The following CCDC186 variants were observed in gnomAD, a reference collection of about 807,000 sequenced individuals.
The protein encoded by CCDC186 is coiled-coil domain-containing protein 186.
Under a neutral mutation model 113.7 loss-of-function variants are expected in CCDC186, and 49 were observed. That is an observed-to-expected ratio of 0.43 (90% CI 0.34 to 0.55). The LOEUF is 0.55. CCDC186 is among the 20% of genes least tolerant of loss of function. The probability of loss-of-function intolerance (pLI) is 0.02; values close to 1 mark genes in which losing one functional copy is unlikely to be tolerated. For missense variants in CCDC186, 890 were observed against 1,011.1 expected (o/e 0.88, Z 1.62); for synonymous variants, 355 against 345.8 (o/e 1.03, Z -0.30).
At chr10:114,135,619 T>C (rs980924028) in intron 9 of CCDC186, among the ~76,000 whole-genome samples, 1 of 152,186 alleles carries the variant, frequency 6.6e-6, no homozygotes, top group Non-Finnish European at 1.5e-5. Context: ...TGAGACTGCC[T>C]TTAGATGAGA....
rs942660236 is a variant in CCDC186 at position 114,121,476 on chromosome 10, C to T, written c.*3667G>A. 9 of 151,962 alleles carry T rather than the reference C, an allele frequency of 5.9e-5. No homozygotes were observed. The highest frequency in any genetic ancestry group is 8.8e-5 in the Non-Finnish European group (6 of 67,998). The allele number at this position is 151,962 out of a possible 1,614,324, so 9.4% of individuals were successfully genotyped here. ...CTGCAAAAGAAAGATTGGAAACATG[C>T]GTGACATGATTAATCTTTATGAGCA... is the stretch of plus-strand genomic sequence containing the variant. On this transcript the variant is annotated 3_prime_UTR_variant, in exon 16 of 16. Transcript: ENST00000369287.
chr10:114,132,127 A>C lies in CCDC186; in HGVS notation c.1713T>G (p.Ile571Met). ...KEEVESLNSL[I>M]NDLQKDIEGS... ...CTTCGATGTCTTTTTGTAGGTCATT[A>C]ATCAAAGAATTAAGACTTTCCACTT... is the stretch of plus-strand genomic sequence containing the variant. The change falls in exon 11 of 16, where the codon ATT (isoleucine) becomes ATG (methionine). Residue 571 changes from isoleucine to methionine, a missense_variant. Ile to Met is a conservative substitution (Grantham distance 10). Coordinates refer to ENST00000369287, the MANE Select transcript of CCDC186 (RefSeq NM_018017.4). The C allele has an allele frequency of 1.9e-6, 3 of 1,612,604 alleles. No individual in the cohort carries two copies. Among genetic ancestry groups the C allele is most frequent in the East Asian group, 2.2e-5 (1 of 44,804 alleles).
intron 6 of CCDC186, among the ~76,000 whole-genome samples, chr10:114,139,580 G>GA (rs1418836142): frequency 3.7e-4 from 51 of 139,464 alleles, no homozygotes; most frequent in African/African-American, 7.9e-4. Flanking sequence ...AAAAAGAAAA[G>GA]AAAAAAAAAC....
chr10:114,137,534 A>T (rs2031304009), intron 6 of CCDC186, among the ~76,000 whole-genome samples: 1 of 152,252 alleles, frequency 6.6e-6, no homozygotes, highest in Non-Finnish European at 1.5e-5. Context: ...ACCTGATAAG[A>T]TGAGCAAAGT....
intron 1 of CCDC186, among the ~76,000 whole-genome samples, chr10:114,167,624 A>C (rs1261811223): frequency 6.6e-6 from 1 of 151,458 alleles, no homozygotes; most frequent in Non-Finnish European, 1.5e-5. Context: ...TAGTAGACTA[A>C]AGGGGAAGGA....
At chr10:114,161,295 A>AATGTACAGATACAAT (rs1367524319) in intron 2 of CCDC186, among the ~76,000 whole-genome samples, 1 of 152,232 alleles carries the variant, frequency 6.6e-6, no homozygotes, top group East Asian at 1.9e-4. Context: ...TCTGCGCTTC[A>AATGTACAGATACAAT]GGTAACTCAT....
At chr10:114,164,659 CAG>C (rs1341042195) in intron 1 of CCDC186, among the ~76,000 whole-genome samples, 1 of 152,112 alleles carries the variant, frequency 6.6e-6, no homozygotes, top group African/African-American at 2.4e-5. Context: ...ACAGAAATAA[CAG>C]AGCAATAATT....
chr10:114,152,415 C>T (rs1357661309), intron 3 of CCDC186, among the ~76,000 whole-genome samples: 2 of 151,592 alleles, frequency 1.3e-5, no homozygotes, highest in African/African-American at 2.4e-5. Flanking sequence ...TGATTGATGG[C>T]AATCGAGTTC....
chr10:114,126,935 CAG>C (rs1017260785), intron 14 of CCDC186, among the ~76,000 whole-genome samples: 11 of 152,172 alleles, frequency 7.2e-5, no homozygotes, highest in African/African-American at 2.4e-4. Context: ...GTCTGTCACA[CAG>C]GGGATGAACG....
In CCDC186 at chr10:114,127,777, G is replaced by A. The variant is rs191037622; in HGVS notation, c.2183-106C>T. 74 of 1,050,412 alleles carry A rather than the reference G, an allele frequency of 7.0e-5. 1 individual carries two copies. The East Asian group carries it at 1.8e-3, about 26-fold the overall frequency. The allele number at this position is 1,050,412 out of a possible 1,614,324, so 65.1% of individuals were successfully genotyped here. A position where few individuals can be genotyped will look rare whatever the true frequency, so the allele number is the denominator to read the frequency against. On this transcript the variant is annotated intron_variant, in intron 13 of 15. Coordinates refer to ENST00000369287, the MANE Select transcript of CCDC186 (RefSeq NM_018017.4). Reference sequence around the variant, plus strand: ...CATTTCAAATATTCACTCTAACAGAGTTGGACACAGAAGACAACACAGGTC... The same window carrying A: ...CATTTCAAATATTCACTCTAACAGAATTGGACACAGAAGACAACACAGGTC...
intron 4 of CCDC186, among the ~76,000 whole-genome samples, chr10:114,150,529 A>T (rs2031820602): frequency 6.6e-6 from 1 of 152,232 alleles, no homozygotes; most frequent in African/African-American, 2.4e-5. Context: ...TGGAACAAGG[A>T]ATGGGATATA....
At chr10:114,149,786 CAGGAAGGAAGGA>C (rs879496767) in intron 4 of CCDC186, among the ~76,000 whole-genome samples, 91 of 48,060 alleles carry the variant, frequency 1.9e-3, no homozygotes, top group African/African-American at 9.1e-3. Flanking sequence ...GGCAGGAAGG[CAGGAAGGAAGGA>C]AGGAAGGAAG....
rs771783633 is a variant in CCDC186, at chr10:114,134,899, T to G, written c.1655+14A>C. ...CTTGCTTATTAATACAAACAGAAGT[T>G]GCTCATTTTGTACCTTTGAAGCTGC... On this transcript the variant is annotated intron_variant, in intron 10 of 15. Coordinates refer to ENST00000369287, the MANE Select transcript of CCDC186 (RefSeq NM_018017.4). 6.3e-7 allele frequency: 1 copy of G among 1,598,390 alleles called. No individual in the cohort carries two copies. The highest frequency in any genetic ancestry group is 8.5e-7 in the Non-Finnish European group (1 of 1,175,666).
At chr10:114,166,332 C>G (rs984275539) in intron 1 of CCDC186, among the ~76,000 whole-genome samples, 4 of 152,198 alleles carry the variant, frequency 2.6e-5, no homozygotes, top group African/African-American at 7.2e-5. Flanking sequence ...TTGTTCTCAA[C>G]TAGAATGTTC....
At chr10:114,166,064 CT>C in intron 1 of CCDC186, 1 of 311,020 alleles carries the variant, frequency 3.2e-6, no homozygotes, top group Non-Finnish European at 4.7e-6. Flanking sequence ...CCAAGGGATT[CT>C]TAAAGGACTG....
chr10:114,146,499 A>G (rs2031645089), intron 4 of CCDC186, among the ~76,000 whole-genome samples: 1 of 152,234 alleles, frequency 6.6e-6, no homozygotes, highest in African/African-American at 2.4e-5. Flanking sequence ...TGACCATTTA[A>G]TTTCCTATTT....
In CCDC186 at chr10:114,125,222, T is replaced by C. The variant is rs766932812; in HGVS notation, c.2618A>G (p.Asn873Ser). Reference sequence around the variant, plus strand: ...TATTTCTGTTCCAAGTGTTTGTAGATTTTCCTTTAATAATTGGGGTGAGGG... The same window carrying C: ...TATTTCTGTTCCAAGTGTTTGTAGACTTTCCTTTAATAATTGGGGTGAGGG... ...TLLKNITLKE[N>S]LQTLGTEIER... is the part of the protein sequence containing the mutation. Residue 873 changes from asparagine to serine, a missense_variant, in exon 16 of 16, where the codon AAT (asparagine) becomes AGT (serine). By Grantham distance (46) the Asn-to-Ser change is conservative. Transcript: ENST00000369287. The C allele has an allele frequency of 1.9e-6, 3 of 1,606,764 alleles. No individual in the cohort carries two copies. The highest frequency in any genetic ancestry group is 1.7e-4 in the Middle Eastern group (1 of 6,002).
chr10:114,165,519 C>T (rs1213106107), intron 1 of CCDC186, among the ~76,000 whole-genome samples: 1 of 151,832 alleles, frequency 6.6e-6, no homozygotes, highest in Non-Finnish European at 1.5e-5. Context: ...CGACGAAACC[C>T]TGTCTCTACT....
At chr10:114,149,925 G>A (rs560661009) in intron 4 of CCDC186, among the ~76,000 whole-genome samples, 20 of 152,060 alleles carry the variant, frequency 1.3e-4, no homozygotes, top group Non-Finnish European at 4.4e-5. Flanking sequence ...GTTTGGGCCC[G>A]CTAAAACCAG....
Sources: allele counts gnomAD v4.1 joint callset (sites outside exome capture counted in the v4.1 genomes callset), GRCh38; gene constraint gnomAD v4.1.1; transcripts MANE v1.5; gene names NCBI Gene and HGNC (gene_info 2026-07-23, HGNC 2026-07-21).